Variants in ANKRD17 observed in about 807,000 individuals in gnomAD.
ANKRD17 encodes ankyrin repeat domain 17.
A neutral mutation model predicts 229.7 loss-of-function variants in ANKRD17; 19 were observed. The ratio of observed to expected loss-of-function variants is 0.08; its 90% CI spans 0.06 to 0.12. ANKRD17 has a LOEUF of 0.12. Among genes scored for constraint, ANKRD17 ranks in the 10% least tolerant of loss-of-function variants. The pLI is 1.00. For synonymous variants in ANKRD17, 1,112 were observed against 1,146.1 expected, an observed-to-expected ratio of 0.97 and a Z score of 0.60; for missense variants, 2,176 against 3,176.8, an observed-to-expected ratio of 0.68 and a Z score of 7.57.
At chr4:73,107,600 G>C (rs1368499123) in intron 24 of ANKRD17, among the ~76,000 whole-genome samples, 2 of 152,202 alleles carry the variant, frequency 1.3e-5, no homozygotes, top group African/African-American at 4.8e-5. Flanking sequence ...GGTAATCAGT[G>C]TACCCCTCAT....
At chr4:73,200,221 G>C (rs1009141377) in intron 1 of ANKRD17, among the ~76,000 whole-genome samples, 3 of 152,072 alleles carry the variant, frequency 2.0e-5, no homozygotes, top group Admixed American at 6.5e-5. Context: ...TACTCTCTTG[G>C]AGAGTTTTCA....
chr4:73,204,293 G>T (rs1460245074), intron 1 of ANKRD17, among the ~76,000 whole-genome samples: 1 of 149,100 alleles, frequency 6.7e-6, no homozygotes, highest in East Asian at 2.0e-4. Context: ...CCCGAGAGGC[G>T]GAGCTTGCAG....
At chr4:73,171,447 G>A (rs897190184) in intron 2 of ANKRD17, among the ~76,000 whole-genome samples, 3 of 152,140 alleles carry the variant, frequency 2.0e-5, no homozygotes, top group Non-Finnish European at 4.4e-5. Context: ...AAGAAGGACA[G>A]GTACAAACAA....
intron 1 of ANKRD17, among the ~76,000 whole-genome samples, chr4:73,194,022 C>T (rs1232967578): frequency 1.3e-5 from 2 of 152,144 alleles, no homozygotes; most frequent in Non-Finnish European, 2.9e-5. Context: ...AGTCCTTTAT[C>T]AAACACATGG....
At chr4:73,196,243 C>G (rs1737869702) in intron 1 of ANKRD17, among the ~76,000 whole-genome samples, 2 of 152,068 alleles carry the variant, frequency 1.3e-5, no homozygotes, top group African/African-American at 4.8e-5. Flanking sequence ...CGTGACCTGC[C>G]CACCTCGGCC....
intron 2 of ANKRD17, among the ~76,000 whole-genome samples, chr4:73,172,389 G>A (rs980737891): frequency 1.3e-5 from 2 of 152,094 alleles, no homozygotes; most frequent in African/African-American, 2.4e-5. Context: ...TTTCATCATC[G>A]CCACTTCTGT....
At chr4:73,137,709 T>C (rs1045171717) in intron 15 of ANKRD17, among the ~76,000 whole-genome samples, 2 of 152,066 alleles carry the variant, frequency 1.3e-5, no homozygotes, top group Non-Finnish European at 2.9e-5. Flanking sequence ...TCTCTCCCCA[T>C]AGAAATGAGC....
chr4:73,194,162 G>T (rs1014603415), intron 1 of ANKRD17, among the ~76,000 whole-genome samples: 4 of 151,884 alleles, frequency 2.6e-5, no homozygotes, highest in African/African-American at 9.7e-5. Context: ...GTGGTTTTTT[G>T]CCATATATAA....
chr4:73,145,026 T>C (rs1362661234), intron 10 of ANKRD17, among the ~76,000 whole-genome samples, 194 bp from the exon 11 acceptor site: 2 of 152,188 alleles, frequency 1.3e-5, no homozygotes, highest in African/African-American at 4.8e-5. Context: ...TCTATGGAAA[T>C]AATTTTAGTA....
At chr4:73,222,198 C>T (rs1180717586) in intron 1 of ANKRD17, among the ~76,000 whole-genome samples, 1 of 144,532 alleles carries the variant, frequency 6.9e-6, no homozygotes, top group Non-Finnish European at 1.5e-5. Flanking sequence ...ATTTAAATAC[C>T]TATACCTATA....
intron 25 of ANKRD17, among the ~76,000 whole-genome samples, chr4:73,099,463 T>A (rs1445630305): frequency 6.6e-6 from 1 of 152,160 alleles, no homozygotes; most frequent in African/African-American, 2.4e-5. Context: ...ACATGCTGCA[T>A]CCCCACTCCC....
intron 31 of ANKRD17, among the ~76,000 whole-genome samples, chr4:73,077,824 C>T (rs1322761219): frequency 2.0e-5 from 3 of 152,124 alleles, no homozygotes; most frequent in African/African-American, 7.2e-5. Context: ...AAGAAAAGAA[C>T]ATGCTTGCAT....
chr4:73,085,938 CTG>C (rs1410394537), intron 29 of ANKRD17, among the ~76,000 whole-genome samples: 3 of 152,062 alleles, frequency 2.0e-5, no homozygotes, highest in Non-Finnish European at 2.9e-5. Flanking sequence ...CTGCAATGAG[CTG>C]TGATGGCACC....
intron 18 of ANKRD17, 64 bp downstream of exon 18, chr4:73,124,849 T>C: frequency 1.9e-6 from 3 of 1,552,720 alleles, no homozygotes; most frequent in East Asian, 2.3e-5. Context: ...AAAAATAATA[T>C]AAGTGAAAGT....
At chr4:73,109,032 C>A (rs1724980520) in intron 24 of ANKRD17, among the ~76,000 whole-genome samples, 1 of 152,166 alleles carries the variant, frequency 6.6e-6, no homozygotes, top group African/African-American at 2.4e-5. Flanking sequence ...GGCATGATGG[C>A]TCACGCCTGT....
chr4:73,175,774 C>T (rs987783919), intron 2 of ANKRD17, among the ~76,000 whole-genome samples: 5 of 152,054 alleles, frequency 3.3e-5, no homozygotes, highest in African/African-American at 4.8e-5. Flanking sequence ...TGAAACTAGA[C>T]CCCGATCTCT....
In ANKRD17 at chr4:73,211,786, G is replaced by C. The variant is rs550495009; in HGVS notation, c.394-34253C>G. ...CACTTGAACCCGGGAGGCAGAGGTC[G>C]CAGTGAGCTGAGATGGTGCCATTGT... On this transcript the variant is annotated intron_variant, in intron 1 of 33. Transcript: ENST00000358602. Among the ~76,000 whole-genome samples, 15 of 149,724 alleles carry C rather than the reference G, an allele frequency of 1.0e-4. No individual in the cohort carries two copies. The East Asian group carries it at 2.4e-3, about 24-fold the overall frequency.
intron 30 of ANKRD17, among the ~76,000 whole-genome samples, chr4:73,082,180 G>T (rs918549440): frequency 6.7e-6 from 1 of 150,360 alleles, no homozygotes; most frequent in Non-Finnish European, 1.5e-5. Flanking sequence ...AAAAAAGGGG[G>T]GCCAAGCGTG....
At chr4:73,139,030 AT>A (rs1395452901) in intron 15 of ANKRD17, among the ~76,000 whole-genome samples, 2 of 147,128 alleles carry the variant, frequency 1.4e-5, no homozygotes, top group Non-Finnish European at 3.0e-5. Flanking sequence ...TTTGAACTTT[AT>A]TAATTTTGTA....
Sources: allele counts gnomAD v4.1 joint callset (sites outside exome capture counted in the v4.1 genomes callset), GRCh38; gene constraint gnomAD v4.1.1; transcripts MANE v1.5; gene names NCBI Gene and HGNC (gene_info 2026-07-23, HGNC 2026-07-21).